GPATCH11: variants seen among roughly 807,000 people sequenced by gnomAD.
GPATCH11 encodes G patch domain-containing protein 11.
In GPATCH11, 32 loss-of-function variants were observed where a neutral mutation model predicts 44.8. The observed-to-expected ratio is 0.71, with a 90% CI of 0.54 to 0.96. GPATCH11 has a LOEUF of 0.96. Among genes scored for constraint, GPATCH11 ranks in the 40% least tolerant of loss-of-function variants. The probability of loss-of-function intolerance (pLI) is 0.00; values close to 1 mark genes in which losing one functional copy is unlikely to be tolerated. For synonymous variants in GPATCH11, 84 were observed against 94.4 expected, an observed-to-expected ratio of 0.89 and a Z score of 0.64; for missense variants, 324 against 303.1, an observed-to-expected ratio of 1.07 and a Z score of -0.51.
Position 37,092,020 on chromosome 2 carries a change from G to A in GPATCH11, c.433G>A (p.Ala145Thr). 1 of 1,612,960 alleles carries A rather than the reference G, an allele frequency of 6.2e-7. No individual in the cohort carries two copies. Reference protein sequence around the residue: ...IHMKNQAEEKAAEQFRMRLKN... With the variant: ...IHMKNQAEEKTAEQFRMRLKN... Reference sequence around the variant, plus strand: ...CATGAAAAACCAAGCTGAAGAAAAAGCTGCAGAACAGTTTCGGTAAAACTA... The same window carrying A: ...CATGAAAAACCAAGCTGAAGAAAAAACTGCAGAACAGTTTCGGTAAAACTA... Residue 145 changes from alanine to threonine, a missense_variant, in exon 5 of 9, where the codon GCT becomes ACT. By Grantham distance (58) the Ala-to-Thr change is moderately conservative. Transcript: ENST00000674370.
intron 2 of GPATCH11, 61 bp from the exon 3 acceptor site, chr2:37,089,579 A>G: frequency 8.0e-7 from 1 of 1,253,230 alleles, no homozygotes; most frequent in South Asian, 1.4e-5. Flanking sequence ...AAAAATAAAA[A>G]AAAAAAAAAA....
At position 37,095,487 on chromosome 2, in the gene GPATCH11, A is replaced by G. The variant is rs781251386; in HGVS notation, c.705A>G (p.Leu235=). Reference sequence around the variant, plus strand: ...CTAGTTATTTAAGAGAAGAACATCTATATTGTATTTGGTGTGGAACAGCCT... The same window carrying G: ...CTAGTTATTTAAGAGAAGAACATCTGTATTGTATTTGGTGTGGAACAGCCT... ...ILTSYLREEH[L]YCIWCGTAYE... The change falls in exon 8 of 9, where the codon CTA becomes CTG. Residue 235 remains leucine (L), a synonymous_variant. Transcript: ENST00000674370. The G allele has an allele frequency of 3.7e-6, 6 of 1,605,972 alleles. No homozygotes were observed. Among genetic ancestry groups the G allele is most frequent in the Admixed American group, 1.7e-5 (1 of 58,386 alleles).
At chr2:37,095,610 T>C (rs1401921031) in intron 8 of GPATCH11, 92 bp downstream of exon 8, 9 of 1,351,490 alleles carry the variant, frequency 6.7e-6, no homozygotes, top group Non-Finnish European at 7.7e-6. Flanking sequence ...AAATTTCTTA[T>C]TCCATTCAAA....
chr2:37,099,151 T>C lies in GPATCH11; in HGVS notation c.*2888T>C, dbSNP rs1453398304. 6.6e-6 allele frequency: 1 copy of C among 152,220 alleles called. No homozygotes were observed. Among genetic ancestry groups the C allele is most frequent in the Non-Finnish European group, 1.5e-5 (1 of 68,032 alleles). The allele number at this position is 152,220 out of a possible 1,614,324, so 9.4% of individuals were successfully genotyped here. ...ATTCTAAAATGTCTAATTTTCTTAA[T>C]TAAAAATCCAGAATTCTGTAGTTTC... On this transcript the variant is annotated 3_prime_UTR_variant, in exon 9 of 9. Transcript: ENST00000674370.
Position 37,096,386 on chromosome 2 carries a change from T to A in GPATCH11, c.*123T>A. On this transcript the variant is annotated 3_prime_UTR_variant, in exon 9 of 9. Coordinates refer to ENST00000674370, the MANE Select transcript of GPATCH11 (RefSeq NM_174931.4). ...GAAAGGGGGACTTTATATAATGTTT[T>A]GTTCTTTTTGTACTTTAGAATATGA... is the stretch of plus-strand genomic sequence containing the variant. The A allele has an allele frequency of 1.5e-6, 1 of 657,968 alleles. No homozygotes were observed. 40.8% of individuals were successfully genotyped at this position (657,968 alleles called of 1,614,324 possible). A position where few individuals can be genotyped will look rare whatever the true frequency, so the allele number is the denominator to read the frequency against.
chr2:37,085,209 A>G (rs919734303), intron 1 of GPATCH11, among the ~76,000 whole-genome samples: 2 of 152,218 alleles, frequency 1.3e-5, no homozygotes, highest in Non-Finnish European at 2.9e-5. Context: ...GGCACTTTAA[A>G]GTTAAGTAGG....
At chr2:37,084,631 C>T in intron 1 of GPATCH11, 61 bp downstream of exon 1, 1 of 1,199,642 alleles carries the variant, frequency 8.3e-7, no homozygotes, top group African/African-American at 1.6e-5. Flanking sequence ...AGGCAGAGTG[C>T]GCTGGCCATG....
At chr2:37,094,707 C>T (rs1318726578) in intron 7 of GPATCH11, among the ~76,000 whole-genome samples, 1 of 151,938 alleles carries the variant, frequency 6.6e-6, no homozygotes, top group Non-Finnish European at 1.5e-5. Flanking sequence ...TTTGGGAGAC[C>T]AAAACTGGTG....
At chr2:37,089,979 G>T in intron 3 of GPATCH11, 113 bp downstream of exon 3, 1 of 771,600 alleles carries the variant, frequency 1.3e-6, no homozygotes. Flanking sequence ...TAACAACTTA[G>T]GCTTTTTAGT....
At chr2:37,086,359 C>A (rs1297935014) in intron 1 of GPATCH11, among the ~76,000 whole-genome samples, 1 of 152,160 alleles carries the variant, frequency 6.6e-6, no homozygotes, top group Non-Finnish European at 1.5e-5. Flanking sequence ...ATATTAAAGA[C>A]CCTTTTTATC....
intron 1 of GPATCH11, among the ~76,000 whole-genome samples, chr2:37,086,836 T>C (rs1296523535): frequency 6.6e-6 from 1 of 152,150 alleles, no homozygotes; most frequent in Non-Finnish European, 1.5e-5. Context: ...ATTAGTATAG[T>C]AATCCTTTTT....
chr2:37,089,580 A>G, intron 2 of GPATCH11, 60 bp from the exon 3 acceptor site: 1 of 1,259,568 alleles, frequency 7.9e-7, no homozygotes, highest in Non-Finnish European at 1.1e-6. Flanking sequence ...AAAATAAAAA[A>G]AAAAAAAAAG....
chr2:37,091,524 C>T lies in GPATCH11; in HGVS notation c.329-392C>T, dbSNP rs536466911. On this transcript the variant is annotated intron_variant, in intron 4 of 8. Transcript: ENST00000674370. ...ACAGTGAGCCATGATTGTGCCACTA[C>T]ATACCAGCCTGTCCCTATAAAAATA... Among the ~76,000 whole-genome samples the T allele has an allele frequency of 4.6e-5, 7 of 152,214 alleles. No homozygotes were observed. In the East Asian group the frequency reaches 1.4e-3, roughly 29 times the overall value.
intron 7 of GPATCH11, among the ~76,000 whole-genome samples, chr2:37,095,161 T>A (rs958650143): frequency 6.6e-6 from 1 of 152,178 alleles, no homozygotes; most frequent in Admixed American, 6.5e-5. Flanking sequence ...AGAAAAAGCC[T>A]TTAAAGGATG....
intron 2 of GPATCH11, 123 bp from the exon 3 acceptor site, chr2:37,089,517 A>C: frequency 1.4e-6 from 1 of 724,392 alleles, no homozygotes; most frequent in East Asian, 2.7e-5. Flanking sequence ...CAGTGAGCCA[A>C]GATTATGCCA....
intron 1 of GPATCH11, among the ~76,000 whole-genome samples, chr2:37,085,164 T>C (rs1672939965): frequency 6.6e-6 from 1 of 152,208 alleles, no homozygotes; most frequent in Non-Finnish European, 1.5e-5. Flanking sequence ...AAAGAGAGCT[T>C]TAAAAGCAAC....
intron 6 of GPATCH11, among the ~76,000 whole-genome samples, chr2:37,093,067 G>A (rs1224857742): frequency 2.0e-5 from 3 of 152,156 alleles, no homozygotes; most frequent in Non-Finnish European, 4.4e-5. Flanking sequence ...AATCACTTGA[G>A]CCCAGAAGGT....
chr2:37,087,483 T>C (rs975848795), intron 1 of GPATCH11, among the ~76,000 whole-genome samples: 8 of 152,238 alleles, frequency 5.3e-5, no homozygotes, highest in African/African-American at 1.4e-4. Context: ...TCAGTGCAAT[T>C]TGTATACACA....
intron 1 of GPATCH11, among the ~76,000 whole-genome samples, chr2:37,086,876 T>C (rs1673076768): frequency 6.6e-6 from 1 of 152,234 alleles, no homozygotes; most frequent in African/African-American, 2.4e-5. Flanking sequence ...AGACACTTGG[T>C]TGCAGTTGAC....
Sources: gnomAD v4.1 joint callset for allele counts (sites outside exome capture counted in the v4.1 genomes callset) on GRCh38, gnomAD v4.1.1 for gene constraint, MANE v1.5 for transcripts, NCBI Gene and HGNC (gene_info 2026-07-23, HGNC 2026-07-21) for gene names.